MAPK10: variants seen among roughly 807,000 people sequenced by gnomAD.
MAPK10 encodes JNK3 alpha protein kinase.
Under a neutral mutation model 59.3 loss-of-function variants are expected in MAPK10, and 25 were observed. The ratio of observed to expected loss-of-function variants is 0.42; its 90% CI spans 0.31 to 0.59. The LOEUF is 0.59. MAPK10 is among the 20% of genes least tolerant of loss of function. The pLI, the probability that MAPK10 is intolerant of heterozygous loss-of-function variation, is 0.15. For synonymous variants in MAPK10, 190 were observed against 200.5 expected (o/e 0.95, Z 0.44); for missense variants, 351 against 568.9 (o/e 0.62, Z 3.90).
chr4:86,548,943 T>C (rs1759531115), intron 1 of MAPK10, among the ~76,000 whole-genome samples: 1 of 152,122 alleles, frequency 6.6e-6, no homozygotes, highest in African/African-American at 2.4e-5. Flanking sequence ...CGACTAAATA[T>C]ACGTTTTCAC....
At chr4:86,544,845 A>G (rs1233414822) in intron 1 of MAPK10, among the ~76,000 whole-genome samples, 1 of 151,976 alleles carries the variant, frequency 6.6e-6, no homozygotes, top group African/African-American at 2.4e-5. Flanking sequence ...CACACAGCCC[A>G]TAATATCCTT....
chr4:86,168,922 G>A (rs1006199396), intron 3 of MAPK10, among the ~76,000 whole-genome samples: 8 of 152,120 alleles, frequency 5.3e-5, no homozygotes, highest in African/African-American at 1.7e-4. Context: ...CCACTGTTCC[G>A]AAGCCATCCC....
chr4:86,189,247 G>A (rs1024513124), intron 3 of MAPK10, among the ~76,000 whole-genome samples: 1 of 152,156 alleles, frequency 6.6e-6, no homozygotes, highest in African/African-American at 2.4e-5. Flanking sequence ...GGTTCCATAT[G>A]AAATTTAAAG....
At chr4:86,269,646 A>G (rs769150472) in intron 2 of MAPK10, among the ~76,000 whole-genome samples, 1 of 152,084 alleles carries the variant, frequency 6.6e-6, no homozygotes, top group Non-Finnish European at 1.5e-5. Context: ...CCACTTGGAG[A>G]GCATTTCCAC....
intron 11 of MAPK10, among the ~76,000 whole-genome samples, chr4:86,061,239 C>G (rs939725765): frequency 2.6e-5 from 4 of 152,102 alleles, no homozygotes; most frequent in African/African-American, 7.2e-5. Context: ...ATAAGTCAAC[C>G]AATTACATTT....
chr4:86,372,564 G>GAAAAAGAAAAGAAAAGA (rs372381149), intron 1 of MAPK10, among the ~76,000 whole-genome samples: 2 of 78,690 alleles, frequency 2.5e-5, no homozygotes, highest in Non-Finnish European at 5.5e-5. Context: ...AAGAAAGAAA[G>GAAAAAGAAAAGAAAAGA]AAAGAAAAGA....
intron 1 of MAPK10, among the ~76,000 whole-genome samples, chr4:86,514,467 T>C (rs894505473): frequency 1.3e-5 from 2 of 152,172 alleles, no homozygotes; most frequent in Admixed American, 6.5e-5. Context: ...ATATTTCCAT[T>C]GCAAAGCCCC....
intron 1 of MAPK10, among the ~76,000 whole-genome samples, chr4:86,439,740 T>G (rs747337595): frequency 6.6e-6 from 1 of 152,238 alleles, no homozygotes; most frequent in African/African-American, 2.4e-5. Context: ...TTGTTACATA[T>G]TCTTATTATT....
In MAPK10 at chr4:86,194,963, A is replaced by G. The variant is rs540640438; in HGVS notation, c.-6-556T>C. ...ATTTGTGTGAAATTTTAAAATTACA[A>G]AATATACAAAAATGATTATATATTG... On this transcript the variant is annotated intron_variant, in intron 2 of 13. Transcript: ENST00000641462. 2.0e-5 allele frequency among the ~76,000 whole-genome samples: 3 copies of G among 152,246 alleles called. No individual in the cohort carries two copies. The East Asian group carries it at 5.8e-4, about 29-fold the overall frequency.
chr4:86,150,594 G>A (rs539446768), intron 4 of MAPK10, among the ~76,000 whole-genome samples: 16 of 152,260 alleles, frequency 1.1e-4, no homozygotes, highest in Admixed American at 5.2e-4. Flanking sequence ...AGGCGCGGTG[G>A]CTCACGCCTG....
chr4:86,420,308 A>G (rs573702882), intron 1 of MAPK10, among the ~76,000 whole-genome samples: 5 of 152,202 alleles, frequency 3.3e-5, no homozygotes, highest in Non-Finnish European at 5.9e-5. Context: ...TATCTTACTC[A>G]GAAATGAACC....
At chr4:86,512,244 T>G (rs1756331131) in intron 1 of MAPK10, among the ~76,000 whole-genome samples, 1 of 152,246 alleles carries the variant, frequency 6.6e-6, no homozygotes, top group South Asian at 2.1e-4. Context: ...CTCCAAAATT[T>G]GGAAACTCTT....
At chr4:86,446,687 C>A (rs1465345556) in intron 1 of MAPK10, among the ~76,000 whole-genome samples, 1 of 152,104 alleles carries the variant, frequency 6.6e-6, no homozygotes, top group Non-Finnish European at 1.5e-5. Context: ...CTCCCACCAG[C>A]AGTTCTTGAT....
intron 1 of MAPK10, among the ~76,000 whole-genome samples, chr4:86,379,219 T>C (rs982581800): frequency 6.6e-6 from 1 of 152,240 alleles, no homozygotes; most frequent in Non-Finnish European, 1.5e-5. Flanking sequence ...TCATTACTAC[T>C]TTAAGGTCTG....
intron 1 of MAPK10, among the ~76,000 whole-genome samples, chr4:86,409,085 G>T (rs564409449): frequency 6.6e-6 from 1 of 152,114 alleles, no homozygotes; most frequent in Non-Finnish European, 1.5e-5. Flanking sequence ...TGTATAAGGT[G>T]TAAGGAAGGG....
At chr4:86,389,991 A>G (rs537180916) in intron 1 of MAPK10, among the ~76,000 whole-genome samples, 1 of 152,338 alleles carries the variant, frequency 6.6e-6, no homozygotes, top group South Asian at 2.1e-4. Flanking sequence ...AATAATAATT[A>G]TAGAGAAGAA....
chr4:86,314,311 C>T (rs2095732910), intron 2 of MAPK10, among the ~76,000 whole-genome samples: 1 of 152,130 alleles, frequency 6.6e-6, no homozygotes, highest in Non-Finnish European at 1.5e-5. Context: ...TTGAATTATA[C>T]ACCCATAATT....
In MAPK10 at chr4:86,372,448, C is replaced by T. The variant is rs368399937; in HGVS notation, c.-121-17804G>A. Among the ~76,000 whole-genome samples, 425 of 151,194 alleles carry T rather than the reference C, an allele frequency of 2.8e-3. 3 individuals are homozygous for T. Among genetic ancestry groups the T allele is most frequent in the African/African-American group, 9.9e-3 (406 of 41,090 alleles). ...AGAGGAATCTCTTGAACCCAGGAGG[C>T]GGAGGTTGCAGCGAGCTGAGATGAC... is the stretch of plus-strand genomic sequence containing the variant. On this transcript the variant is annotated intron_variant, in intron 1 of 13. Transcript: ENST00000361569.
At chr4:86,195,216 T>C (rs2081005281) in intron 2 of MAPK10, among the ~76,000 whole-genome samples, 1 of 152,196 alleles carries the variant, frequency 6.6e-6, no homozygotes, top group African/African-American at 2.4e-5. Flanking sequence ...CCCAAATAAA[T>C]TGTTTTGAGT....
Sources: allele counts gnomAD v4.1 joint callset (sites outside exome capture counted in the v4.1 genomes callset), GRCh38; gene constraint gnomAD v4.1.1; transcripts MANE v1.5; gene names NCBI Gene and HGNC (gene_info 2026-07-23, HGNC 2026-07-21).